The following TBC1D13 variants were observed in gnomAD, a reference collection of about 807,000 sequenced individuals.
TBC1D13 encodes the protein TBC1 domain family member 13, also known as epididymis secretory sperm binding protein.
Under a neutral mutation model 53.6 loss-of-function variants are expected in TBC1D13, and 40 were observed. The ratio of observed to expected loss-of-function variants is 0.75; its 90% confidence interval spans 0.58 to 0.97. The LOEUF is 0.97. Among genes scored for constraint, TBC1D13 ranks in the 50% least tolerant of loss-of-function variants. TBC1D13 has a pLI of 0.00. For synonymous variants in TBC1D13, 182 were observed against 197.7 expected (o/e 0.92, Z 0.67); for missense variants, 377 against 499.4 (o/e 0.75, Z 2.34).
chr9:128,789,258 G>A (rs1220190286), intron 2 of TBC1D13, among the ~76,000 whole-genome samples: 1 of 141,124 alleles, frequency 7.1e-6, no homozygotes, highest in Non-Finnish European at 1.5e-5. Context: ...GGGAATTGCA[G>A]TGAGCCGAGA....
chr9:128,789,852 G>A (rs1050647725), intron 2 of TBC1D13: 2 of 144,676 alleles, frequency 1.4e-5, no homozygotes, highest in African/African-American at 5.3e-5. Flanking sequence ...AATAGTCACA[G>A]AGCCATTATT....
Position 128,803,211 on chromosome 9 carries a change from C to A in TBC1D13, c.544-39C>A, listed in dbSNP as rs59602178. On this transcript the variant is annotated intron_variant, in intron 7 of 11. Coordinates refer to ENST00000372648, the MANE Select transcript of TBC1D13 (RefSeq NM_018201.5). Reference sequence around the variant, plus strand: ...TTCAGGCATGAGCCACTGACCCCAGCATTGTCTTTCTTGATGGGCTCCTCC... The same window carrying A: ...TTCAGGCATGAGCCACTGACCCCAGAATTGTCTTTCTTGATGGGCTCCTCC... 3.7e-5 allele frequency: 59 copies of A among 1,586,738 alleles called. No individual in the cohort carries two copies. In the East Asian group the frequency reaches 1.1e-3, roughly 30 times the overall value.
intron 9 of TBC1D13, among the ~76,000 whole-genome samples, chr9:128,805,085 G>A (rs1829808335): frequency 6.6e-6 from 1 of 152,132 alleles, no homozygotes; most frequent in Admixed American, 6.5e-5. Flanking sequence ...ATGGCTCACA[G>A]TTGTAATCCT....
rs754069260 is a variant in TBC1D13, at chr9:128,806,254, G to A, written c.1080G>A (p.Met360Ile). Residue 360 changes from methionine (M) to isoleucine (I), a missense_variant and splice_region_variant, in exon 11 of 12, where the codon ATG becomes ATA. By Grantham distance (10) the Met-to-Ile change is conservative. Coordinates refer to ENST00000372648, the MANE Select transcript of TBC1D13 (RefSeq NM_018201.5). ...GCGCTTTTGCTGCTGCTTTTCATAG[G>A]CTGATCCGGGAGCAGTTGCTGGAAG... is the stretch of plus-strand genomic sequence containing the variant. ...FLLLVCCAML[M>I]LIREQLLEGD... 6 of 1,614,146 alleles carry A rather than the reference G, an allele frequency of 3.7e-6. No individual in the cohort carries two copies. Among genetic ancestry groups the A allele is most frequent in the Non-Finnish European group, 5.1e-6 (6 of 1,180,026 alleles).
chr9:128,805,748 TG>T, intron 9 of TBC1D13, 110 bp from the exon 10 acceptor site: 1 of 1,249,392 alleles, frequency 8.0e-7, no homozygotes, highest in Non-Finnish European at 1.1e-6. Flanking sequence ...TGCTCACACC[TG>T]GCATGCTGGG....
intron 3 of TBC1D13, 134 bp downstream of exon 3, chr9:128,790,909 G>T: frequency 1.1e-6 from 1 of 912,828 alleles, no homozygotes; most frequent in Non-Finnish European, 1.6e-6. Context: ...TTTCTGGGAA[G>T]TCCTGGGTTT....
chr9:128,788,512 C>T, intron 2 of TBC1D13, 105 bp downstream of exon 2: 1 of 1,014,270 alleles, frequency 9.9e-7, no homozygotes, highest in Non-Finnish European at 1.5e-6. Flanking sequence ...CTGCTGGGGG[C>T]TGGGGCCTTG....
chr9:128,798,952 G>A (rs1024916492), intron 7 of TBC1D13, among the ~76,000 whole-genome samples: 12 of 152,100 alleles, frequency 7.9e-5, no homozygotes, highest in Admixed American at 5.9e-4. Flanking sequence ...GAGCTTAAGC[G>A]ATCCTCCTAC....
chr9:128,802,734 T>C, intron 7 of TBC1D13, among the ~76,000 whole-genome samples: 1 of 132,774 alleles, frequency 7.5e-6, no homozygotes, highest in East Asian at 2.1e-4. Context: ...CTTCACATTG[T>C]CCATTTTTTT....
In TBC1D13 at chr9:128,808,408, C is replaced by CGTGTGTGTGTGTGTGTGTGT. The variant is rs3138859; in HGVS notation, c.*558_*577dup. On this transcript the variant is annotated 3_prime_UTR_variant, in exon 12 of 12. Coordinates refer to ENST00000372648, the MANE Select transcript of TBC1D13 (RefSeq NM_018201.5). ...GGCCCAAGTCCCCAGGCATCTTCTC[C>CGTGTGTGTGTGTGTGTGTGT]GTGTGTGTGTGTGTGTGTGTGTGTG... 6.2e-3 allele frequency: 754 copies of CGTGTGTGTGTGTGTGTGTGT among 121,760 alleles called. 34 individuals are homozygous for CGTGTGTGTGTGTGTGTGTGT. Among genetic ancestry groups the CGTGTGTGTGTGTGTGTGTGT allele is most frequent in the African/African-American group, 9.3e-3 (245 of 26,254 alleles). 7.5% of individuals were successfully genotyped at this position (121,760 alleles called of 1,614,324 possible). A position where few individuals can be genotyped will look rare whatever the true frequency, so the allele number is the denominator to read the frequency against.
chr9:128,796,059 T>C (rs943237063), intron 6 of TBC1D13, among the ~76,000 whole-genome samples: 2 of 152,202 alleles, frequency 1.3e-5, no homozygotes, highest in African/African-American at 4.8e-5. Flanking sequence ...AAAAATACTG[T>C]TTTTAAAATA....
In TBC1D13 at chr9:128,788,465, CA is replaced by C. The variant is rs1321978182; in HGVS notation, c.97+59del. ...CTACAGCAGCCCTGTGGCTAGAATA[CA>C]GGGGGAGGCCACACCTGGTCAGCTC... On this transcript the variant is annotated intron_variant, in intron 2 of 11. Transcript: ENST00000372648. The C allele has an allele frequency of 1.4e-5, 21 of 1,516,368 alleles. No homozygotes were observed. In the African/African-American group the frequency reaches 2.6e-4, roughly 19 times the overall value. The allele number at this position is 1,516,368 out of a possible 1,614,324, so 93.9% of individuals were successfully genotyped here.
At chr9:128,801,547 TG>T (rs1829733773) in intron 7 of TBC1D13, among the ~76,000 whole-genome samples, 1 of 151,600 alleles carries the variant, frequency 6.6e-6, no homozygotes, top group South Asian at 2.1e-4. Context: ...GGCATGGTGG[TG>T]GGTGCCTGTA....
At chr9:128,803,091 T>C (rs1200103176) in intron 7 of TBC1D13, among the ~76,000 whole-genome samples, 159 bp from the exon 8 acceptor site, 1 of 152,098 alleles carries the variant, frequency 6.6e-6, no homozygotes, top group African/African-American at 2.4e-5. Context: ...TCTTGCTCTA[T>C]CACCCAGGCT....
chr9:128,808,581 C>G lies in TBC1D13; in HGVS notation c.*702C>G, dbSNP rs1345635893. 6.5e-6 allele frequency: 1 copy of G among 154,102 alleles called. No homozygotes were observed. The highest frequency in any genetic ancestry group is 1.4e-5 in the Non-Finnish European group (1 of 69,522). The allele number at this position is 154,102 out of a possible 1,614,324, so 9.5% of individuals were successfully genotyped here. On this transcript the variant is annotated 3_prime_UTR_variant, in exon 12 of 12. Coordinates refer to ENST00000372648, the MANE Select transcript of TBC1D13 (RefSeq NM_018201.5). The stretch of plus-strand genomic sequence containing the variant: ...CTGTGTCTTGCTTCATGATTCCTCT[C>G]TCCATTACTCTCCCTGCCCTTCTCT...
chr9:128,802,405 G>A (rs1034333084), intron 7 of TBC1D13, among the ~76,000 whole-genome samples: 2 of 152,138 alleles, frequency 1.3e-5, no homozygotes, highest in African/African-American at 4.8e-5. Context: ...GCAATTACGT[G>A]TACAATTAGA....
Position 128,807,790 on chromosome 9 carries a change from C to T in TBC1D13, c.1138-24C>T, listed in dbSNP as rs372686532. 5 of 1,613,566 alleles carry T rather than the reference C, an allele frequency of 3.1e-6. No homozygotes were observed. The Admixed American group carries it at 6.7e-5, about 22-fold the overall frequency. On this transcript the variant is annotated intron_variant, in intron 11 of 11. Coordinates refer to ENST00000372648, the MANE Select transcript of TBC1D13 (RefSeq NM_018201.5). The stretch of plus-strand genomic sequence containing the variant: ...AGGGGTGAAGTGGCTTCAGAGGCAA[C>T]TGTTGGCCTTTTCCTGTGCCCAGGA...
In TBC1D13 at chr9:128,794,534, GGT is replaced by G. The variant is rs1266549441; in HGVS notation, c.383+1962_383+1963del. ...TCTGTCACCCAGGCTGGAGTGCAGT[GGT>G]GCAATCTCGGCTCACTGCAACATCC... On this transcript the variant is annotated intron_variant, in intron 6 of 11. Coordinates refer to ENST00000372648, the MANE Select transcript of TBC1D13 (RefSeq NM_018201.5). 8.2e-3 allele frequency among the ~76,000 whole-genome samples: 1,234 copies of G among 150,334 alleles called. 16 individuals are homozygous for G. The highest frequency in any genetic ancestry group is 0.014 in the South Asian group (66 of 4,680).
chr9:128,806,848 G>A (rs1220507076), intron 11 of TBC1D13, among the ~76,000 whole-genome samples: 3 of 151,948 alleles, frequency 2.0e-5, no homozygotes, highest in African/African-American at 7.2e-5. Context: ...GGAGGCTGAG[G>A]TAGGAGAATC....
Sources: allele counts gnomAD v4.1 joint callset (sites outside exome capture counted in the v4.1 genomes callset), GRCh38; gene constraint gnomAD v4.1.1; transcripts MANE v1.5; gene names NCBI Gene and HGNC (gene_info 2026-07-23, HGNC 2026-07-21).